Variants in PCDHGB2 observed in about 807,000 individuals in gnomAD.
PCDHGB2 encodes protocadherin gamma subfamily B, 2.
A neutral mutation model predicts 59.3 loss-of-function variants in PCDHGB2; 55 were observed. The ratio of observed to expected loss-of-function variants is 0.93; its 90% CI spans 0.75 to 1.16. The LOEUF is 1.16. Ranked by LOEUF, PCDHGB2 falls within the 50% of genes most tolerant of loss-of-function variation. The probability of loss-of-function intolerance (pLI) is 0.00; values close to 1 mark genes in which losing one functional copy is unlikely to be tolerated. For missense variants in PCDHGB2, 1,228 were observed against 1,198.5 expected (o/e 1.02, Z -0.36); for synonymous variants, 516 against 512.0 (o/e 1.01, Z -0.11).
chr5:141,375,601 CAT>C, intron 1 of PCDHGB2: 4 of 1,614,206 alleles, frequency 2.5e-6, no homozygotes, highest in Non-Finnish European at 3.4e-6. Context: ...CCTACGTGTC[CAT>C]CAACTCCGAC....
At position 141,476,033 on chromosome 5, in the gene PCDHGB2, C is replaced by T; in HGVS notation, c.2422-18774C>T. On this transcript the variant is annotated intron_variant, in intron 1 of 3. Transcript: ENST00000522605. The surrounding 1 kb of genome is among the most constrained non-coding windows in gnomAD (Gnocchi z 7.6). The stretch of plus-strand genomic sequence containing the variant: ...GCCATGTCGGACTCGGCGCCCAGCG[C>T]CCAAGCGCTAACCCGCTGAAAGTTT... 6.8e-7 allele frequency: 1 copy of T among 1,469,590 alleles called. No individual in the cohort carries two copies. Among genetic ancestry groups the T allele is most frequent in the Non-Finnish European group, 9.0e-7 (1 of 1,105,326 alleles). 91.0% of individuals were successfully genotyped at this position (1,469,590 alleles called of 1,614,324 possible). A position where few individuals can be genotyped will look rare whatever the true frequency, so the allele number is the denominator to read the frequency against.
At chr5:141,384,745 C>G (rs1304134885) in intron 1 of PCDHGB2, 1 of 1,613,956 alleles carries the variant, frequency 6.2e-7, no homozygotes, top group African/African-American at 1.3e-5. Context: ...CGAGCCAGGA[C>G]TCTTTGCGGT....
At chr5:141,394,950 G>C in intron 1 of PCDHGB2, 1 of 1,613,848 alleles carries the variant, frequency 6.2e-7, no homozygotes, top group Non-Finnish European at 8.5e-7. Context: ...TGTGCTTCTG[G>C]GGCTCAGGCT....
In PCDHGB2 at chr5:141,404,936, G is replaced by A. The variant is rs755365273; in HGVS notation, c.2421+42380G>A. ...TCTCTCGGCCACTGTCACGCTCACA[G>A]TAGCCATAGCTGACAGCATCCCAGA... is the stretch of plus-strand genomic sequence containing the variant. On this transcript the variant is annotated intron_variant, in intron 1 of 3. Coordinates refer to ENST00000522605, the MANE Select transcript of PCDHGB2 (RefSeq NM_018923.3). 1.9e-6 allele frequency: 3 copies of A among 1,613,858 alleles called. No individual in the cohort carries two copies. The South Asian group carries it at 3.3e-5, about 18-fold the overall frequency.
At chr5:141,366,786 A>T in intron 1 of PCDHGB2, 3 of 1,575,572 alleles carry the variant, frequency 1.9e-6, no homozygotes, top group Non-Finnish European at 2.6e-6. Context: ...TGACCAGAAC[A>T]TTTTCATTTG....
At chr5:141,421,854 C>T (rs1402137870) in intron 1 of PCDHGB2, 9 of 1,613,644 alleles carry the variant, frequency 5.6e-6, no homozygotes. Flanking sequence ...AGGCTGCTCA[C>T]CTGCTCCTCC....
In PCDHGB2 at chr5:141,383,069, G is replaced by T; in HGVS notation, c.2421+20513G>T. ...GCCAAGGACCTGGGGCTGGAGCCCC[G>T]GGAGCTGGCGGAGCGCGGAGTCCGC... On this transcript the variant is annotated intron_variant, in intron 1 of 3. Coordinates refer to ENST00000522605, the MANE Select transcript of PCDHGB2 (RefSeq NM_018923.3). The T allele has an allele frequency of 6.2e-7, 1 of 1,613,886 alleles. No homozygotes were observed. The highest frequency in any genetic ancestry group is 8.5e-7 in the Non-Finnish European group (1 of 1,179,902).
Position 141,491,329 on chromosome 5 carries a change from G to A in PCDHGB2, c.2422-3478G>A. The A allele has an allele frequency of 6.2e-7, 1 of 1,614,142 alleles. No individual in the cohort carries two copies. Among genetic ancestry groups the A allele is most frequent in the Non-Finnish European group, 8.5e-7 (1 of 1,180,022 alleles). On this transcript the variant is annotated intron_variant, in intron 1 of 3. Coordinates refer to ENST00000522605, the MANE Select transcript of PCDHGB2 (RefSeq NM_018923.3). The surrounding 1 kb of genome is among the most constrained non-coding windows in gnomAD (Gnocchi z 6.9). ...AGACCTTACCCTTTACCTCATTGTG[G>A]CTCTAGCGACCGTCAGTCTCTTATC...
In PCDHGB2 at chr5:141,493,521, G is replaced by A. The variant is rs967636266; in HGVS notation, c.2422-1286G>A. Among the ~76,000 whole-genome samples the A allele has an allele frequency of 3.9e-5, 6 of 152,242 alleles. No homozygotes were observed. In the East Asian group the frequency reaches 7.7e-4, roughly 20 times the overall value. The stretch of plus-strand genomic sequence containing the variant: ...CTCATTTCTGAGCAGTCCCCGCAGC[G>A]CAAACTTGGCCAGTTATCCTTTTGG... On this transcript the variant is annotated intron_variant, in intron 1 of 3. Coordinates refer to ENST00000522605, the MANE Select transcript of PCDHGB2 (RefSeq NM_018923.3). This position sits in a 1 kb window ranked among gnomAD's most constrained non-coding sequence, Gnocchi z 4.3.
intron 1 of PCDHGB2, chr5:141,374,947 C>G (rs768274787): frequency 6.2e-7 from 1 of 1,613,900 alleles, no homozygotes; most frequent in African/African-American, 1.3e-5. Context: ...CAGAAAAGAT[C>G]TCACAAATTT....
chr5:141,381,826 C>CTTCTTT (rs1777532522), intron 1 of PCDHGB2, among the ~76,000 whole-genome samples: 105 of 74,288 alleles, frequency 1.4e-3, no homozygotes, highest in Non-Finnish European at 1.6e-3. Flanking sequence ...CTTTCTTCTT[C>CTTCTTT]TTTTTTTTTT....
intron 1 of PCDHGB2, chr5:141,442,111 C>A: frequency 6.0e-6 from 1 of 166,354 alleles, no homozygotes; most frequent in Non-Finnish European, 1.3e-5. Context: ...CACTACCGCC[C>A]CTCGTCGCCG....
At chr5:141,466,450 G>T (rs139024933) in intron 1 of PCDHGB2, among the ~76,000 whole-genome samples, 1 of 152,172 alleles carries the variant, frequency 6.6e-6, no homozygotes, top group Non-Finnish European at 1.5e-5. Context: ...TGTCTATGGT[G>T]TTGGCTATTG....
At chr5:141,365,555 G>A in intron 1 of PCDHGB2, 2 of 1,613,642 alleles carry the variant, frequency 1.2e-6, no homozygotes, top group South Asian at 1.1e-5. Context: ...AACAACTAGG[G>A]ACCTGGACAG....
intron 1 of PCDHGB2, among the ~76,000 whole-genome samples, chr5:141,471,998 A>T (rs938492822): frequency 5.3e-5 from 8 of 152,276 alleles, no homozygotes; most frequent in South Asian, 2.1e-4. Context: ...AAATCCCTGC[A>T]TCGTATAGGG....
chr5:141,367,878 CTTT>C (rs1165351222), intron 1 of PCDHGB2: 2 of 151,946 alleles, frequency 1.3e-5, no homozygotes, highest in South Asian at 2.1e-4. Flanking sequence ...TGCAATTCTT[CTTT>C]ATTACTTGAG....
intron 2 of PCDHGB2, among the ~76,000 whole-genome samples, chr5:141,498,967 G>A (rs896386012): frequency 1.5e-5 from 2 of 129,584 alleles, no homozygotes. Context: ...GAGGGAGGGA[G>A]GGAGGGAAGG....
chr5:141,393,972 C>T, intron 1 of PCDHGB2: 1 of 1,613,790 alleles, frequency 6.2e-7, no homozygotes, highest in Non-Finnish European at 8.5e-7. Flanking sequence ...CTGTTACACA[C>T]GTGATAATTT....
rs1304554303 is a variant in PCDHGB2, at chr5:141,403,611, C to G, written c.2421+41055C>G. 3 of 1,613,860 alleles carry G rather than the reference C, an allele frequency of 1.9e-6. No homozygotes were observed. The highest frequency in any genetic ancestry group is 2.5e-6 in the Non-Finnish European group (3 of 1,179,892). Reference sequence around the variant, plus strand: ...CTCACGGCCTCGGATGGCGGCGAGCCGCGTCGCTCCAGCACAGTGCGCATC... The same window carrying G: ...CTCACGGCCTCGGATGGCGGCGAGCGGCGTCGCTCCAGCACAGTGCGCATC... On this transcript the variant is annotated intron_variant, in intron 1 of 3. Transcript: ENST00000522605.
Sources: allele counts gnomAD v4.1 joint callset (sites outside exome capture counted in the v4.1 genomes callset), GRCh38; gene constraint gnomAD v4.1.1; non-coding constraint Gnocchi (gnomAD v3.1); transcripts MANE v1.5; gene names NCBI Gene and HGNC (gene_info 2026-07-23, HGNC 2026-07-21).